The following SGCZ variants were observed in gnomAD, a reference collection of about 807,000 sequenced individuals.
SGCZ encodes zeta-sarcoglycan.
Under a neutral mutation model 41.3 loss-of-function variants are expected in SGCZ, and 40 were observed. The ratio of observed to expected loss-of-function variants is 0.97; its 90% CI spans 0.75 to 1.26. The LOEUF is 1.26. Among genes scored for constraint, SGCZ ranks in the 50% most tolerant of loss-of-function variants. The pLI is 0.00. For synonymous variants in SGCZ, 206 were observed against 137.5 expected, an observed-to-expected ratio of 1.50 and a Z score of -3.49; for missense variants, 552 against 369.8, an observed-to-expected ratio of 1.49 and a Z score of -4.04.
At chr8:15,053,892 C>G (rs1804611092) in intron 1 of SGCZ, among the ~76,000 whole-genome samples, 1 of 152,164 alleles carries the variant, frequency 6.6e-6, no homozygotes, top group South Asian at 2.1e-4. Context: ...TGTCAGAATT[C>G]TGACACCAAA....
intron 2 of SGCZ, among the ~76,000 whole-genome samples, chr8:14,533,276 C>T (rs960903825): frequency 2.6e-5 from 4 of 151,828 alleles, no homozygotes; most frequent in East Asian, 3.9e-4. Flanking sequence ...TATTTGTGTA[C>T]ATCCAATGTA....
At chr8:14,887,898 C>T (rs771289770) in intron 1 of SGCZ, among the ~76,000 whole-genome samples, 1 of 151,968 alleles carries the variant, frequency 6.6e-6, no homozygotes, top group Non-Finnish European at 1.5e-5. Flanking sequence ...GAGTTGTATC[C>T]CATTGTGTTT....
chr8:14,718,478 C>T (rs930604551), intron 1 of SGCZ, among the ~76,000 whole-genome samples: 12 of 152,030 alleles, frequency 7.9e-5, no homozygotes, highest in South Asian at 4.2e-4. Context: ...ACTAAGTAAA[C>T]GTCCCAAATC....
chr8:14,638,596 A>T (rs910685289), intron 1 of SGCZ, among the ~76,000 whole-genome samples: 2 of 151,838 alleles, frequency 1.3e-5, no homozygotes, highest in African/African-American at 4.8e-5. Context: ...AGGCTGACCC[A>T]GTAAATCCTC....
At chr8:14,718,960 G>A (rs960003181) in intron 1 of SGCZ, among the ~76,000 whole-genome samples, 10 of 148,116 alleles carry the variant, frequency 6.8e-5, no homozygotes, top group African/African-American at 1.0e-4. Context: ...CCATTAACTC[G>A]TCATTTAGCA....
At chr8:15,146,773 G>C (rs1299352413) in intron 1 of SGCZ, among the ~76,000 whole-genome samples, 2 of 152,018 alleles carry the variant, frequency 1.3e-5, no homozygotes, top group Non-Finnish European at 2.9e-5. Context: ...TTTTATAAAA[G>C]AGACTGGCAA....
chr8:14,105,915 TTAA>T (rs1802188516), intron 6 of SGCZ, among the ~76,000 whole-genome samples: 5 of 152,138 alleles, frequency 3.3e-5, no homozygotes, highest in Admixed American at 2.0e-4. Context: ...AAAAAGTTCT[TTAA>T]GTATAAATTT....
At position 14,439,410 on chromosome 8, in the gene SGCZ, A is replaced by G. The variant is rs186359989; in HGVS notation, c.235-115206T>C. ...TTACACAATTTCTACTAGAAAATAC[A>G]AGAGTAAACATTCCCCAATTTTATA... is the stretch of plus-strand genomic sequence containing the variant. On this transcript the variant is annotated intron_variant, in intron 2 of 7. Transcript: ENST00000382080. Among the ~76,000 whole-genome samples, 5 of 151,356 alleles carry G rather than the reference A, an allele frequency of 3.3e-5. No individual in the cohort carries two copies. In the East Asian group the frequency reaches 9.7e-4, roughly 29 times the overall value.
At chr8:14,650,582 C>T (rs538573248) in intron 1 of SGCZ, among the ~76,000 whole-genome samples, 4 of 152,002 alleles carry the variant, frequency 2.6e-5, no homozygotes, top group Middle Eastern at 3.4e-3. Context: ...ATTTAGCTCC[C>T]ACTTATAAGT....
intron 3 of SGCZ, among the ~76,000 whole-genome samples, chr8:14,275,997 G>A (rs1800215017): frequency 6.6e-6 from 1 of 152,180 alleles, no homozygotes; most frequent in Non-Finnish European, 1.5e-5. Flanking sequence ...TGTCTCCCAA[G>A]TCCTAGGGGA....
At chr8:14,528,777 T>A (rs1803030024) in intron 2 of SGCZ, among the ~76,000 whole-genome samples, 1 of 144,714 alleles carries the variant, frequency 6.9e-6, no homozygotes, top group African/African-American at 2.6e-5. Context: ...AATAACCACT[T>A]AATTCCTTGC....
At chr8:15,229,561 T>G (rs976660794) in intron 1 of SGCZ, among the ~76,000 whole-genome samples, 2 of 152,194 alleles carry the variant, frequency 1.3e-5, no homozygotes, top group South Asian at 2.1e-4. Context: ...TAAGAAGAGA[T>G]AGAATTTCTC....
At chr8:14,135,544 G>C (rs1214744847) in intron 5 of SGCZ, among the ~76,000 whole-genome samples, 1 of 151,940 alleles carries the variant, frequency 6.6e-6, no homozygotes, top group African/African-American at 2.4e-5. Flanking sequence ...AAAGACTGAA[G>C]AAAATGTAGA....
At chr8:14,353,701 T>C (rs1803184013) in intron 2 of SGCZ, among the ~76,000 whole-genome samples, 1 of 152,122 alleles carries the variant, frequency 6.6e-6, no homozygotes, top group Non-Finnish European at 1.5e-5. Context: ...ACCTTCTAAC[T>C]GGTCTTCCTG....
intron 1 of SGCZ, among the ~76,000 whole-genome samples, chr8:15,022,752 T>A (rs747419388): frequency 6.6e-6 from 1 of 152,236 alleles, no homozygotes; most frequent in African/African-American, 2.4e-5. Context: ...ATAACTATTA[T>A]AACTTTCATA....
chr8:14,741,909 G>C (rs530261665), intron 1 of SGCZ, among the ~76,000 whole-genome samples: 1 of 151,244 alleles, frequency 6.6e-6, no homozygotes, highest in Non-Finnish European at 1.5e-5. Context: ...TTTCAGAACT[G>C]TTCCAACTCC....
At chr8:15,151,149 G>A (rs934224421) in intron 1 of SGCZ, among the ~76,000 whole-genome samples, 2 of 152,184 alleles carry the variant, frequency 1.3e-5, no homozygotes, top group Admixed American at 6.5e-5. Context: ...ACTGCGGTAC[G>A]CCAACCAACA....
intron 1 of SGCZ, among the ~76,000 whole-genome samples, chr8:14,860,493 G>C (rs917726129): frequency 4.4e-4 from 64 of 143,842 alleles, no homozygotes; most frequent in African/African-American, 1.5e-3. Flanking sequence ...AGGAGAAAGA[G>C]AAAGAGGAAA....
At chr8:14,489,152 T>C (rs1253235185) in intron 2 of SGCZ, among the ~76,000 whole-genome samples, 3 of 152,090 alleles carry the variant, frequency 2.0e-5, no homozygotes, top group Admixed American at 2.0e-4. Flanking sequence ...CACCTTTTAC[T>C]TAAGAATTCA....
Sources: gnomAD v4.1 joint callset for allele counts (sites outside exome capture counted in the v4.1 genomes callset) on GRCh38, gnomAD v4.1.1 for gene constraint, MANE v1.5 for transcripts, NCBI Gene and HGNC (gene_info 2026-07-23, HGNC 2026-07-21) for gene names.